TBC1D22A: variants seen among roughly 807,000 people sequenced by gnomAD.
TBC1D22A encodes the protein putative GTPase activator.
Under a neutral mutation model 60.2 loss-of-function variants are expected in TBC1D22A, and 38 were observed. That is an observed-to-expected ratio of 0.63 (90% CI 0.49 to 0.83). TBC1D22A has a LOEUF of 0.83. Among genes scored for constraint, TBC1D22A ranks in the 40% least tolerant of loss-of-function variants. The pLI is 0.00. For missense variants in TBC1D22A, 628 were observed against 701.0 expected, an observed-to-expected ratio of 0.90 and a Z score of 1.18; for synonymous variants, 302 against 281.7, an observed-to-expected ratio of 1.07 and a Z score of -0.72.
At position 47,096,693 on chromosome 22, in the gene TBC1D22A, A is replaced by T. The variant is rs920819564; in HGVS notation, c.1330-14815A>T. Among the ~76,000 whole-genome samples the T allele has an allele frequency of 3.9e-5, 6 of 152,144 alleles. No homozygotes were observed. The East Asian group carries it at 9.6e-4, about 24-fold the overall frequency. ...AAAAATTAGCCGGGTGTAGTGGCGC[A>T]TGCCTGTAAGCCCAGCTACTTGGGA... On this transcript the variant is annotated intron_variant, in intron 11 of 12. Coordinates refer to ENST00000337137, the MANE Select transcript of TBC1D22A (RefSeq NM_014346.5).
intron 8 of TBC1D22A, among the ~76,000 whole-genome samples, chr22:46,940,295 G>A (rs1365886101): frequency 1.3e-5 from 2 of 152,166 alleles, no homozygotes; most frequent in Non-Finnish European, 2.9e-5. Context: ...TGCAGGATCT[G>A]TGAAGCACAA....
intron 10 of TBC1D22A, among the ~76,000 whole-genome samples, chr22:47,035,581 C>T (rs918726578): frequency 2.0e-5 from 3 of 152,222 alleles, no homozygotes; most frequent in African/African-American, 7.2e-5. Context: ...CCCAGCCCTA[C>T]AGGAGCCCCG....
intron 10 of TBC1D22A, among the ~76,000 whole-genome samples, chr22:47,012,840 G>T (rs115412247): frequency 0.014 from 2,071 of 152,258 alleles, 47 homozygotes; most frequent in African/African-American, 0.046. Context: ...GTTAGAAGAC[G>T]GGACATTAAC....
rs1315774408 is a variant in TBC1D22A, at chr22:46,941,375, A to AGAATATATATACG, written c.1015+29200_1015+29212dup. Among the ~76,000 whole-genome samples, 36 of 143,626 alleles carry AGAATATATATACG rather than the reference A, an allele frequency of 2.5e-4. 3 individuals carry two copies. Among genetic ancestry groups the AGAATATATATACG allele is most frequent in the East Asian group, 7.8e-4 (4 of 5,134 alleles). 94.2% of individuals were successfully genotyped at this position (143,626 alleles called of 152,430 possible). A position where few individuals can be genotyped will look rare whatever the true frequency, so the allele number is the denominator to read the frequency against. Reference sequence around the variant, plus strand: ...GAATATATATACAGAATATATATACAGAATATATATACGGAATATATATAC... The same window carrying AGAATATATATACG: ...GAATATATATACAGAATATATATACAGAATATATATACGGAATATATATACGGAATATATATAC... On this transcript the variant is annotated intron_variant, in intron 8 of 12. Coordinates refer to ENST00000337137, the MANE Select transcript of TBC1D22A (RefSeq NM_014346.5).
chr22:47,040,203 C>T (rs1025723751), intron 11 of TBC1D22A, among the ~76,000 whole-genome samples: 7 of 151,996 alleles, frequency 4.6e-5, no homozygotes, highest in Non-Finnish European at 8.8e-5. Flanking sequence ...CCTCGGCCTC[C>T]CAAAGTGCTG....
chr22:46,900,520 G>T (rs1444064617), intron 7 of TBC1D22A, among the ~76,000 whole-genome samples: 1 of 152,114 alleles, frequency 6.6e-6, no homozygotes, highest in African/African-American at 2.4e-5. Flanking sequence ...CACTCTGCGA[G>T]GTTCCCCATG....
chr22:46,853,596 C>T (rs897762755), intron 4 of TBC1D22A, among the ~76,000 whole-genome samples: 1 of 152,216 alleles, frequency 6.6e-6, no homozygotes, highest in Non-Finnish European at 1.5e-5. Context: ...AGTGCTGTTT[C>T]CCTTAAAATC....
At chr22:47,111,909 G>A (rs1462646237) in intron 12 of TBC1D22A, among the ~76,000 whole-genome samples, 3 of 152,294 alleles carry the variant, frequency 2.0e-5, no homozygotes, top group East Asian at 3.9e-4. Flanking sequence ...TGCAGTGTGC[G>A]GCTTGTGACC....
At chr22:46,965,735 G>A (rs993466763) in intron 8 of TBC1D22A, among the ~76,000 whole-genome samples, 3 of 152,232 alleles carry the variant, frequency 2.0e-5, no homozygotes, top group Non-Finnish European at 4.4e-5. Context: ...GCCTCATCCC[G>A]TCCCTGTGGC....
At chr22:47,121,631 G>C (rs1207650129) in intron 12 of TBC1D22A, among the ~76,000 whole-genome samples, 3 of 152,024 alleles carry the variant, frequency 2.0e-5, no homozygotes, top group African/African-American at 7.3e-5. Flanking sequence ...CAGAAAGACC[G>C]AACAGAAACA....
chr22:46,894,643 C>G, intron 6 of TBC1D22A, 141 bp from the exon 7 acceptor site: 1 of 968,580 alleles, frequency 1.0e-6, no homozygotes, highest in East Asian at 2.6e-5. Context: ...AAGGTGGTAA[C>G]ATGGAGAACG....
intron 7 of TBC1D22A, among the ~76,000 whole-genome samples, chr22:46,896,109 A>G (rs2068664801): frequency 6.6e-6 from 1 of 152,026 alleles, no homozygotes. Flanking sequence ...TTCTCTGGTT[A>G]CTCACGGAGT....
At chr22:47,043,349 C>T (rs9615455) in intron 11 of TBC1D22A, among the ~76,000 whole-genome samples, 12,314 of 152,152 alleles carry the variant, frequency 0.081, 1,029 homozygotes, top group African/African-American at 0.21. Context: ...GCCGGGGCGA[C>T]GGGCACGAGG....
At chr22:46,974,706 G>A (rs1479548990) in intron 9 of TBC1D22A, among the ~76,000 whole-genome samples, 1 of 152,222 alleles carries the variant, frequency 6.6e-6, no homozygotes, top group Non-Finnish European at 1.5e-5. Flanking sequence ...ACAGGCTCAC[G>A]GTAGCTATGT....
At chr22:46,813,363 G>T (rs1304221355) in intron 4 of TBC1D22A, among the ~76,000 whole-genome samples, 4 of 152,120 alleles carry the variant, frequency 2.6e-5, no homozygotes, top group African/African-American at 4.8e-5. Flanking sequence ...TTAGTATGCG[G>T]CATTTAATTT....
intron 9 of TBC1D22A, among the ~76,000 whole-genome samples, chr22:46,992,870 G>A (rs2074997292): frequency 6.6e-6 from 1 of 151,810 alleles, no homozygotes; most frequent in Admixed American, 6.5e-5. Context: ...AAGAGTTGAA[G>A]GAAATGGAAG....
chr22:47,147,658 T>C (rs1158707537), intron 12 of TBC1D22A, among the ~76,000 whole-genome samples: 1 of 152,250 alleles, frequency 6.6e-6, no homozygotes, highest in Non-Finnish European at 1.5e-5. Context: ...TTTGCGTTTC[T>C]GGCAGTTCTG....
chr22:46,899,236 CAGG>C (rs1426865242), intron 7 of TBC1D22A, among the ~76,000 whole-genome samples: 3 of 152,100 alleles, frequency 2.0e-5, no homozygotes, highest in Non-Finnish European at 4.4e-5. Context: ...CAGCTGAGGT[CAGG>C]AGTTCAAGAC....
At chr22:46,770,750 G>A (rs1001666575) in intron 1 of TBC1D22A, among the ~76,000 whole-genome samples, 1 of 152,106 alleles carries the variant, frequency 6.6e-6, no homozygotes. Context: ...GCTTCTGGCC[G>A]CCTTGCTTTC....
Sources: allele counts gnomAD v4.1 joint callset (sites outside exome capture counted in the v4.1 genomes callset), GRCh38; gene constraint gnomAD v4.1.1; transcripts MANE v1.5; gene names NCBI Gene and HGNC (gene_info 2026-07-23, HGNC 2026-07-21).